ZNF804B: variants seen among roughly 807,000 people sequenced by gnomAD.
ZNF804B encodes zinc finger protein 804B.
ZNF804B carries 80 observed loss-of-function variants against 101.4 expected under a neutral mutation model. The observed-to-expected ratio is 0.79, with a 90% CI of 0.66 to 0.95. The LOEUF is 0.95. Among genes scored for constraint, ZNF804B ranks in the 40% least tolerant of loss-of-function variants. The pLI, the probability that ZNF804B is intolerant of heterozygous loss-of-function variation, is 0.00. For missense variants in ZNF804B, 1,673 were observed against 1,561.9 expected, an observed-to-expected ratio of 1.07 and a Z score of -1.20; for synonymous variants, 622 against 558.8, an observed-to-expected ratio of 1.11 and a Z score of -1.59.
At chr7:88,986,667 T>A (rs1793763939) in intron 1 of ZNF804B, among the ~76,000 whole-genome samples, 1 of 152,108 alleles carries the variant, frequency 6.6e-6, no homozygotes, top group East Asian at 1.9e-4. Flanking sequence ...GTTTACCTTT[T>A]ACTTGATATA....
At chr7:89,063,336 T>G (rs1462149160) in intron 1 of ZNF804B, among the ~76,000 whole-genome samples, 1 of 152,170 alleles carries the variant, frequency 6.6e-6, no homozygotes. Context: ...AATTCTTTAG[T>G]CAATTAGCTC....
intron 1 of ZNF804B, among the ~76,000 whole-genome samples, chr7:88,874,304 T>G (rs1044523420): frequency 6.6e-6 from 1 of 151,940 alleles, no homozygotes; most frequent in Admixed American, 6.6e-5. Context: ...TGCTTTTGAT[T>G]TTTGTACATT....
intron 1 of ZNF804B, among the ~76,000 whole-genome samples, chr7:89,036,418 A>G (rs1192743805): frequency 6.6e-6 from 1 of 151,976 alleles, no homozygotes; most frequent in Non-Finnish European, 1.5e-5. Context: ...GTATTATGGT[A>G]AATAAAATTA....
intron 1 of ZNF804B, among the ~76,000 whole-genome samples, chr7:88,813,882 A>G (rs1430475271): frequency 6.6e-6 from 1 of 152,154 alleles, no homozygotes; most frequent in Non-Finnish European, 1.5e-5. Context: ...GTCCATGCAT[A>G]ATTGCTTGGA....
intron 1 of ZNF804B, among the ~76,000 whole-genome samples, chr7:89,132,633 C>T (rs527336046): frequency 6.6e-6 from 1 of 151,916 alleles, no homozygotes; most frequent in South Asian, 2.1e-4. Flanking sequence ...TTTATGTGAG[C>T]AGTTTTGAGA....
Position 88,929,637 on chromosome 7 carries a change from G to A in ZNF804B, c.108+169553G>A, listed in dbSNP as rs116719490. On this transcript the variant is annotated intron_variant, in intron 1 of 3. Transcript: ENST00000333190. ...TTCTTAAAATTTTCAGTCTCCTCTA[G>A]TGATAGTATTGGTTTGCTGTAAACA... Among the ~76,000 whole-genome samples the A allele has an allele frequency of 4.0e-3, 607 of 152,022 alleles. 4 individuals carry two copies. Among genetic ancestry groups the A allele is most frequent in the African/African-American group, 0.014 (574 of 41,538 alleles).
chr7:89,124,847 A>G (rs1478745522), intron 1 of ZNF804B, among the ~76,000 whole-genome samples: 1 of 152,004 alleles, frequency 6.6e-6, no homozygotes, highest in Non-Finnish European at 1.5e-5. Context: ...ACCTTGATGA[A>G]AATATTGGGA....
chr7:88,907,537 C>T (rs1562828778), intron 1 of ZNF804B, among the ~76,000 whole-genome samples: 1 of 151,896 alleles, frequency 6.6e-6, no homozygotes, highest in African/African-American at 2.4e-5. Context: ...CTAATTTAAA[C>T]TAATTTAATC....
chr7:88,797,891 G>T (rs1218985529), intron 1 of ZNF804B, among the ~76,000 whole-genome samples: 2 of 152,058 alleles, frequency 1.3e-5, no homozygotes, highest in African/African-American at 4.8e-5. Context: ...GTACTATCAA[G>T]TTTTGAACAA....
intron 1 of ZNF804B, among the ~76,000 whole-genome samples, chr7:89,064,115 C>T (rs1343965303): frequency 6.6e-6 from 1 of 152,042 alleles, no homozygotes; most frequent in Non-Finnish European, 1.5e-5. Flanking sequence ...GGTCAAGATG[C>T]ACTGCAGCAT....
chr7:88,782,498 T>C (rs1007559887), intron 1 of ZNF804B, among the ~76,000 whole-genome samples: 4 of 152,084 alleles, frequency 2.6e-5, no homozygotes, highest in Non-Finnish European at 5.9e-5. Flanking sequence ...TACACTAATA[T>C]CTCCACCTCT....
chr7:89,171,285 G>GCTTCTTCTTCTTCTTCTTCTTCTT (rs1554373340), intron 1 of ZNF804B, among the ~76,000 whole-genome samples: 3 of 64,636 alleles, frequency 4.6e-5, no homozygotes, highest in African/African-American at 1.1e-4. Context: ...TAATGCTGCT[G>GCTTCTTCTTCTTCTTCTTCTTCTT]CTGCTTCTTC....
intron 2 of ZNF804B, among the ~76,000 whole-genome samples, chr7:89,308,801 T>A (rs1790606590): frequency 6.6e-6 from 1 of 152,176 alleles, no homozygotes; most frequent in Admixed American, 6.5e-5. Context: ...ACTCTGCCAA[T>A]ACAGTCTGAA....
intron 1 of ZNF804B, among the ~76,000 whole-genome samples, chr7:88,891,315 A>G (rs1792210383): frequency 6.6e-6 from 1 of 152,118 alleles, no homozygotes; most frequent in Admixed American, 6.6e-5. Flanking sequence ...TAGTGAATGG[A>G]AATTTTAATC....
intron 1 of ZNF804B, among the ~76,000 whole-genome samples, chr7:89,109,885 C>CA (rs1790189893): frequency 3.3e-5 from 5 of 152,110 alleles, no homozygotes; most frequent in Admixed American, 2.0e-4. Context: ...TCACCTGATA[C>CA]ACTTTTAACT....
rs529377665 is a variant in ZNF804B, at chr7:89,336,166, T to C, written c.3184T>C (p.Phe1062Leu). 27 of 1,613,906 alleles carry C rather than the reference T, an allele frequency of 1.7e-5. No homozygotes were observed. In the African/African-American group the frequency reaches 3.2e-4, roughly 19 times the overall value. Residue 1062 changes from phenylalanine (F) to leucine (L), a missense_variant, in exon 4 of 4, where the codon TTT becomes CTT. By Grantham distance (22) the Phe-to-Leu change is conservative (BLOSUM62 0). Transcript: ENST00000333190. The stretch of plus-strand genomic sequence containing the variant: ...ACCTTTAATTAGTGAAATCCAACCT[T>C]TTATTCAAAGCTGTGACCCAGTACC... ...SKPLISEIQPFIQSCDPVPNE... is the reference protein window; with the variant it reads ...SKPLISEIQPLIQSCDPVPNE...
chr7:89,039,725 C>G (rs941565392), intron 1 of ZNF804B, among the ~76,000 whole-genome samples: 3 of 151,698 alleles, frequency 2.0e-5, no homozygotes, highest in Admixed American at 2.0e-4. Flanking sequence ...CATTCTTATC[C>G]TATGTCCTCC....
intron 1 of ZNF804B, among the ~76,000 whole-genome samples, chr7:88,854,415 C>CTTTCTTTCTTTCTTCCTTTCTT (rs1791503562): frequency 1.9e-5 from 1 of 51,340 alleles, no homozygotes; most frequent in African/African-American, 7.2e-5. Context: ...TTCTTTCTTC[C>CTTTCTTTCTTTCTTCCTTTCTT]TTTCTTTCTT....
chr7:89,279,413 C>A (rs1046583183), intron 2 of ZNF804B, among the ~76,000 whole-genome samples: 32 of 150,848 alleles, frequency 2.1e-4, no homozygotes, highest in African/African-American at 7.8e-4. Flanking sequence ...TGAGAGAGGG[C>A]ATCCCTGTCT....
Sources: gnomAD v4.1 joint callset for allele counts (sites outside exome capture counted in the v4.1 genomes callset) on GRCh38, gnomAD v4.1.1 for gene constraint, MANE v1.5 for transcripts, NCBI Gene and HGNC (gene_info 2026-07-23, HGNC 2026-07-21) for gene names.